AFF3: variants seen among roughly 807,000 people sequenced by gnomAD.
The protein encoded by AFF3 is AF4/FMR2 family member 3.
In AFF3, 32 loss-of-function variants were observed where a neutral mutation model predicts 129.7. The observed-to-expected ratio is 0.25, with a 90% CI of 0.19 to 0.33. The LOEUF (loss-of-function observed/expected upper bound fraction) is 0.33, where lower values mean the gene tolerates loss of function less well. AFF3 is among the 10% of genes least tolerant of loss of function. AFF3 has a pLI of 1.00. For synonymous variants in AFF3, 644 were observed against 635.4 expected (o/e 1.01, Z -0.20); for missense variants, 1,373 against 1,592.0 (o/e 0.86, Z 2.34).
chr2:99,824,610 G>A (rs1364051719), intron 8 of AFF3, among the ~76,000 whole-genome samples: 1 of 152,116 alleles, frequency 6.6e-6, no homozygotes, highest in African/African-American at 2.4e-5. Flanking sequence ...GCATACATAG[G>A]TGTACCTTAT....
chr2:99,624,023 C>T (rs558329330), intron 13 of AFF3, among the ~76,000 whole-genome samples: 14 of 152,338 alleles, frequency 9.2e-5, no homozygotes, highest in Admixed American at 6.5e-5. Flanking sequence ...AAGAGGCCAT[C>T]GGCGTACAGG....
At position 99,546,776 on chromosome 2, in the gene AFF3, T is replaced by C. The variant is rs950641846; in HGVS notation, c.*4698A>G. The C allele has an allele frequency of 9.2e-6, 2 of 216,568 alleles. No homozygotes were observed. The highest frequency in any genetic ancestry group is 1.9e-5 in the Non-Finnish European group (2 of 107,624). The allele number at this position is 216,568 out of a possible 1,614,324, so 13.4% of individuals were successfully genotyped here. ...GATTCCACCATGTTGGTTTCAGTTG[T>C]GTGCAGTTCCCTGACTGCACACAAG... is the stretch of plus-strand genomic sequence containing the variant. On this transcript the variant is annotated 3_prime_UTR_variant, in exon 25 of 25. Transcript: ENST00000672756.
intron 12 of AFF3, among the ~76,000 whole-genome samples, chr2:99,656,488 G>A (rs1325912143): frequency 6.6e-6 from 1 of 152,186 alleles, no homozygotes. Context: ...TGCTGTTACT[G>A]AAGCACACTG....
intron 11 of AFF3, among the ~76,000 whole-genome samples, chr2:99,690,507 G>T (rs1176380185): frequency 6.6e-6 from 1 of 152,050 alleles, no homozygotes; most frequent in Non-Finnish European, 1.5e-5. Context: ...AAAGTTCATT[G>T]TCTATTAACT....
At chr2:99,945,407 G>A (rs1576402417) in intron 7 of AFF3, among the ~76,000 whole-genome samples, 2 of 152,004 alleles carry the variant, frequency 1.3e-5, no homozygotes. Flanking sequence ...AGCCTCCCTG[G>A]GTCTCCCAGT....
In AFF3 at chr2:99,916,848, C is replaced by G. The variant is rs533326259; in HGVS notation, c.874-79324G>C. Reference sequence around the variant, plus strand: ...GGGAAGGCTGTGACCGAATCTCATCCTCATGAGGCCACAAGGCAAAGACAC... The same window carrying G: ...GGGAAGGCTGTGACCGAATCTCATCGTCATGAGGCCACAAGGCAAAGACAC... On this transcript the variant is annotated intron_variant, in intron 7 of 24. Coordinates refer to ENST00000672756, the MANE Select transcript of AFF3 (RefSeq NM_001386135.1). 7.9e-5 allele frequency among the ~76,000 whole-genome samples: 12 copies of G among 152,234 alleles called. No homozygotes were observed. The South Asian group carries it at 2.5e-3, about 32-fold the overall frequency.
chr2:99,592,543 T>C (rs1341322528), intron 15 of AFF3, among the ~76,000 whole-genome samples: 1 of 152,244 alleles, frequency 6.6e-6, no homozygotes, highest in Non-Finnish European at 1.5e-5. Context: ...TTTAGCTTTC[T>C]CACAGGCCCT....
At chr2:99,767,936 G>A (rs548909693) in intron 8 of AFF3, among the ~76,000 whole-genome samples, 4 of 152,304 alleles carry the variant, frequency 2.6e-5, no homozygotes, top group African/African-American at 9.6e-5. Context: ...GGGATCACAA[G>A]CAGAGTGGGA....
chr2:99,771,179 G>A (rs779468864), intron 8 of AFF3, among the ~76,000 whole-genome samples: 6 of 152,176 alleles, frequency 3.9e-5, no homozygotes, highest in Non-Finnish European at 5.9e-5. Context: ...AACACTGCAT[G>A]TTTTCACTTA....
intron 2 of AFF3, among the ~76,000 whole-genome samples, chr2:100,113,533 A>G (rs1036295485): frequency 1.3e-5 from 2 of 152,232 alleles, no homozygotes; most frequent in Non-Finnish European, 2.9e-5. Context: ...ACTGATTTGC[A>G]TTCCAAGTCA....
chr2:100,114,203 G>T (rs1369369012), intron 2 of AFF3, among the ~76,000 whole-genome samples: 3 of 152,192 alleles, frequency 2.0e-5, no homozygotes, highest in South Asian at 2.1e-4. Flanking sequence ...AATCCAGCAA[G>T]TCTGGAAACC....
intron 8 of AFF3, among the ~76,000 whole-genome samples, chr2:99,810,796 T>C (rs1278766077): frequency 1.3e-5 from 2 of 152,226 alleles, no homozygotes; most frequent in African/African-American, 4.8e-5. Context: ...CGTTCTGTTC[T>C]GGAGGCTCTA....
chr2:99,649,306 T>C (rs978347169), intron 13 of AFF3, among the ~76,000 whole-genome samples: 55 of 152,200 alleles, frequency 3.6e-4, no homozygotes, highest in African/African-American at 1.3e-3. Flanking sequence ...GAAGTATTTA[T>C]TGCTGAAAAA....
At chr2:99,569,997 T>C (rs1355260686) in intron 18 of AFF3, among the ~76,000 whole-genome samples, 1 of 152,222 alleles carries the variant, frequency 6.6e-6, no homozygotes, top group South Asian at 2.1e-4. Context: ...TGTGTGACAA[T>C]GACATTGCAT....
chr2:99,650,583 A>G (rs558611465), intron 12 of AFF3, among the ~76,000 whole-genome samples: 1 of 151,940 alleles, frequency 6.6e-6, no homozygotes, highest in Admixed American at 6.6e-5. Flanking sequence ...TAAAATAAAA[A>G]AATTTAAAAA....
rs113851551 is a variant in AFF3, at chr2:99,662,138, C to CA, written c.1143+10399dup. ...CTGGCAACAGAACAAGACTCTGTCT[C>CA]AAAAAAAAAAAAGGCAATTACTTAA... On this transcript the variant is annotated intron_variant, in intron 12 of 24. Coordinates refer to ENST00000672756, the MANE Select transcript of AFF3 (RefSeq NM_001386135.1). 4.2e-3 allele frequency among the ~76,000 whole-genome samples: 577 copies of CA among 136,466 alleles called. 5 individuals are homozygous for CA. The highest frequency in any genetic ancestry group is 0.013 in the South Asian group (56 of 4,240). The allele number at this position is 136,466 out of a possible 152,430, so 89.5% of individuals were successfully genotyped here.
chr2:99,873,728 G>GTT (rs112561437), intron 7 of AFF3, among the ~76,000 whole-genome samples: 18 of 138,824 alleles, frequency 1.3e-4, no homozygotes, highest in African/African-American at 3.4e-4. Context: ...CATCTTAGTG[G>GTT]TTTTTTTTTT....
intron 7 of AFF3, among the ~76,000 whole-genome samples, chr2:99,902,873 T>C (rs113202852): frequency 1.3e-5 from 2 of 152,078 alleles, no homozygotes; most frequent in Non-Finnish European, 2.9e-5. Context: ...GGAAAAAATA[T>C]AGGAAAGTTT....
rs898575955 is a variant in AFF3 at position 99,554,502 on chromosome 2, T to C, written c.3368A>G (p.Asn1123Ser). The C allele has an allele frequency of 2.5e-6, 4 of 1,612,600 alleles. No homozygotes were observed. Among genetic ancestry groups the C allele is most frequent in the Non-Finnish European group, 3.4e-6 (4 of 1,179,710 alleles). The change falls in exon 24 of 25, where the codon AAC becomes AGC. Residue 1123 changes from asparagine (N) to serine (S), a missense_variant. Asn to Ser is a conservative substitution (Grantham distance 46, BLOSUM62 1). Coordinates refer to ENST00000672756, the MANE Select transcript of AFF3 (RefSeq NM_001386135.1). ...STGTPSPMSP[N>S]PSPASSVGSQ... Reference sequence around the variant, plus strand: ...CCCCACGGAGCTGGCGGGAGAGGGGTTGGGAGACATGGGGGATGGGGTTCC... The same window carrying C: ...CCCCACGGAGCTGGCGGGAGAGGGGCTGGGAGACATGGGGGATGGGGTTCC...
Sources: allele counts gnomAD v4.1 joint callset (sites outside exome capture counted in the v4.1 genomes callset), GRCh38; gene constraint gnomAD v4.1.1; transcripts MANE v1.5; gene names NCBI Gene and HGNC (gene_info 2026-07-23, HGNC 2026-07-21).